Variants in MAP6 observed in about 807,000 individuals in gnomAD.
The protein encoded by MAP6 is microtubule associated protein 6, also known as microtubule-associated protein 6.
MAP6 carries 26 observed loss-of-function variants against 42.4 expected under a neutral mutation model. The observed-to-expected ratio is 0.61, with a 90% confidence interval of 0.45 to 0.85. MAP6 has a LOEUF of 0.85. Among genes scored for constraint, MAP6 ranks in the 40% least tolerant of loss-of-function variants. The probability of loss-of-function intolerance (pLI) is 0.00; values close to 1 mark genes in which losing one functional copy is unlikely to be tolerated. For synonymous variants in MAP6, 418 were observed against 443.8 expected, an observed-to-expected ratio of 0.94 and a Z score of 0.73; for missense variants, 966 against 1,099.0, an observed-to-expected ratio of 0.88 and a Z score of 1.71.
chr11:75,622,019 T>C (rs1943120310), intron 1 of MAP6, among the ~76,000 whole-genome samples: 1 of 151,218 alleles, frequency 6.6e-6, no homozygotes, highest in Non-Finnish European at 1.5e-5. Flanking sequence ...CAAGACTCCA[T>C]CTCAAAAAAA....
chr11:75,600,076 G>A (rs973604819), intron 3 of MAP6, among the ~76,000 whole-genome samples: 6 of 152,116 alleles, frequency 3.9e-5, no homozygotes, highest in East Asian at 1.9e-4. Context: ...AATCAACTTC[G>A]TGTATTACTA....
intron 1 of MAP6, among the ~76,000 whole-genome samples, chr11:75,662,659 G>T (rs1943872824): frequency 6.6e-6 from 1 of 152,196 alleles, no homozygotes; most frequent in African/African-American, 2.4e-5. Context: ...ATTCTTTTGT[G>T]TACTAAATTT....
chr11:75,608,468 C>T (rs1829884318), intron 1 of MAP6, 146 bp from the exon 2 acceptor site: 3 of 681,732 alleles, frequency 4.4e-6, no homozygotes, highest in Admixed American at 2.7e-5. Context: ...CTCACTCTTT[C>T]ATAAGGAAGA....
At chr11:75,605,704 C>T in intron 3 of MAP6, 104 bp downstream of exon 3, 1 of 1,535,768 alleles carries the variant, frequency 6.5e-7, no homozygotes. Context: ...GATGAGAAGC[C>T]TCTAATTAAT....
chr11:75,636,013 T>TGGTTCC (rs1473791274), intron 1 of MAP6: 1 of 152,254 alleles, frequency 6.6e-6, no homozygotes, highest in Non-Finnish European at 1.5e-5. Flanking sequence ...TTCCTAAGAA[T>TGGTTCC]CACCTTGGGT....
intron 1 of MAP6, among the ~76,000 whole-genome samples, chr11:75,624,959 C>T (rs1006988997): frequency 2.6e-5 from 4 of 152,210 alleles, no homozygotes; most frequent in African/African-American, 9.7e-5. Flanking sequence ...AAGATGTGAA[C>T]TGGCCTCTAA....
chr11:75,646,617 A>G (rs1356761439), intron 1 of MAP6, among the ~76,000 whole-genome samples: 2 of 151,702 alleles, frequency 1.3e-5, no homozygotes, highest in Admixed American at 6.6e-5. Context: ...CCAGCCTGAC[A>G]TGGAGAAATC....
At chr11:75,630,796 G>A (rs1037960047) in intron 1 of MAP6, among the ~76,000 whole-genome samples, 16 of 152,152 alleles carry the variant, frequency 1.1e-4, no homozygotes, top group African/African-American at 3.9e-4. Flanking sequence ...ACAAAGGCTC[G>A]TTAAAAGGTA....
chr11:75,592,100 G>C (rs1171345414), intron 3 of MAP6, among the ~76,000 whole-genome samples: 1 of 152,258 alleles, frequency 6.6e-6, no homozygotes, highest in Admixed American at 6.5e-5. Flanking sequence ...AGCCCGGGCT[G>C]TCTGTTTCTG....
chr11:75,665,934 T>G (rs978295797), intron 1 of MAP6, among the ~76,000 whole-genome samples: 1 of 151,360 alleles, frequency 6.6e-6, no homozygotes, highest in African/African-American at 2.4e-5. Flanking sequence ...GGGGTAGGAG[T>G]TGGGGGACAG....
At chr11:75,621,786 G>A (rs1042256432) in intron 1 of MAP6, among the ~76,000 whole-genome samples, 1 of 152,196 alleles carries the variant, frequency 6.6e-6, no homozygotes, top group Non-Finnish European at 1.5e-5. Flanking sequence ...ACTTTGGAAG[G>A]CCAAGGTGGG....
At chr11:75,640,744 C>T (rs1254071032) in intron 1 of MAP6, among the ~76,000 whole-genome samples, 2 of 152,314 alleles carry the variant, frequency 1.3e-5, no homozygotes, top group African/African-American at 4.8e-5. Flanking sequence ...TGCTCATCAT[C>T]ACTGGCCATC....
At chr11:75,607,194 TG>T in intron 2 of MAP6, 1 of 979,412 alleles carries the variant, frequency 1.0e-6, no homozygotes, top group South Asian at 4.7e-5. Context: ...CCAGGCAAAC[TG>T]GGTCGGTTAG....
chr11:75,607,411 G>A (rs780026224), intron 2 of MAP6: 42 of 985,330 alleles, frequency 4.3e-5, no homozygotes, highest in Non-Finnish European at 4.8e-5. Context: ...TGGCTTATAT[G>A]ATTCCTGCTT....
chr11:75,608,226 G>C lies in MAP6; in HGVS notation c.1002C>G (p.Thr334=), dbSNP rs1330388629. 5 of 1,614,202 alleles carry C rather than the reference G, an allele frequency of 3.1e-6. No homozygotes were observed. In the South Asian group the frequency reaches 5.5e-5, roughly 18 times the overall value. The change falls in exon 2 of 4, where the codon ACC becomes ACG. Residue 334 remains threonine (T), a synonymous_variant. Transcript: ENST00000304771. ...CTCCTTTGAACTGAGCACTGTAGCT[G>C]GTCTCATGAACCATCTTATCATCTG... ...KPPDDKMVHE[T]SYSAQFKGEA... is the part of the protein sequence containing the mutation.
intron 1 of MAP6, among the ~76,000 whole-genome samples, chr11:75,612,259 C>T (rs1051015650): frequency 6.6e-6 from 1 of 152,226 alleles, no homozygotes. Context: ...CATCCATTCA[C>T]TCATCCATTC....
chr11:75,598,357 C>T (rs1410577131), intron 3 of MAP6, among the ~76,000 whole-genome samples: 1 of 152,070 alleles, frequency 6.6e-6, no homozygotes, highest in Non-Finnish European at 1.5e-5. Context: ...TGGGGAGGGT[C>T]CTGTCACCCT....
At position 75,657,151 on chromosome 11, in the gene MAP6, G is replaced by T. The variant is rs188546785; in HGVS notation, c.905+10314C>A. Among the ~76,000 whole-genome samples the T allele has an allele frequency of 5.5e-3, 796 of 144,786 alleles. 26 individuals are homozygous for T. Among genetic ancestry groups the T allele is most frequent in the Non-Finnish European group, 2.2e-3 (150 of 67,000 alleles). 95.0% of individuals were successfully genotyped at this position (144,786 alleles called of 152,430 possible). ...TTTTGAGACGGAGTCTCGCTCTGTC[G>T]CCAGGCTGGAGTGCAGTGGCACGAT... On this transcript the variant is annotated intron_variant, in intron 1 of 3. Coordinates refer to ENST00000304771, the MANE Select transcript of MAP6 (RefSeq NM_033063.2).
At chr11:75,595,120 C>G (rs891374716) in intron 3 of MAP6, among the ~76,000 whole-genome samples, 1 of 152,260 alleles carries the variant, frequency 6.6e-6, no homozygotes, top group African/African-American at 2.4e-5. Context: ...ATCTCCCTGG[C>G]AGGTGGCTGC....
Sources: allele counts gnomAD v4.1 joint callset (sites outside exome capture counted in the v4.1 genomes callset), GRCh38; gene constraint gnomAD v4.1.1; transcripts MANE v1.5; gene names NCBI Gene and HGNC (gene_info 2026-07-23, HGNC 2026-07-21).